TLK2: variants seen among roughly 807,000 people sequenced by gnomAD.
TLK2 encodes tousled like kinase 2.
TLK2 carries 6 observed loss-of-function variants against 117.3 expected under a neutral mutation model. That is an observed-to-expected ratio of 0.05 (90% CI 0.03 to 0.10). The LOEUF (loss-of-function observed/expected upper bound fraction) is 0.10. Ranked by LOEUF, TLK2 falls within the 10% of genes least tolerant of loss-of-function variation. The probability of loss-of-function intolerance (pLI) is 1.00; values close to 1 mark genes in which losing one functional copy is unlikely to be tolerated. For synonymous variants in TLK2, 257 were observed against 316.7 expected, an observed-to-expected ratio of 0.81 and a Z score of 2.00; for missense variants, 299 against 901.2, an observed-to-expected ratio of 0.33 and a Z score of 8.56.
chr17:62,606,595 A>G (rs903842520), intron 20 of TLK2, among the ~76,000 whole-genome samples: 1 of 152,194 alleles, frequency 6.6e-6, no homozygotes, highest in Non-Finnish European at 1.5e-5. Flanking sequence ...GGGCCCCAAG[A>G]ACCAAAACTC....
At chr17:62,516,357 G>T in intron 2 of TLK2, 2 of 1,515,072 alleles carry the variant, frequency 1.3e-6, no homozygotes, top group African/African-American at 1.4e-5. Flanking sequence ...AACCAAATCC[G>T]CCTCTAAACT....
intron 20 of TLK2, among the ~76,000 whole-genome samples, chr17:62,607,254 T>G (rs554813915): frequency 9.0e-4 from 135 of 150,702 alleles, no homozygotes; most frequent in African/African-American, 2.6e-3. Context: ...GCGTGGTGGC[T>G]CACACCTGTA....
chr17:62,476,972 C>T (rs2071066765), upstream of TLK2, among the ~76,000 whole-genome samples: 2 of 152,048 alleles, frequency 1.3e-5, no homozygotes, highest in African/African-American at 4.8e-5. Flanking sequence ...TGCCTGTAAT[C>T]CCGGCTACTC....
chr17:62,475,004 C>T (rs992019580), upstream of TLK2, among the ~76,000 whole-genome samples: 1 of 152,112 alleles, frequency 6.6e-6, no homozygotes, highest in Non-Finnish European at 1.5e-5. Context: ...AGAGATTGTG[C>T]CATTGCACTC....
At chr17:62,530,397 G>A (rs911146371) in intron 6 of TLK2, among the ~76,000 whole-genome samples, 1 of 152,178 alleles carries the variant, frequency 6.6e-6, no homozygotes, top group Non-Finnish European at 1.5e-5. Context: ...AGCCTAGGAG[G>A]TTGAGGCTGG....
chr17:62,475,906 C>T (rs561842419), upstream of TLK2, among the ~76,000 whole-genome samples: 145 of 152,142 alleles, frequency 9.5e-4, no homozygotes, highest in African/African-American at 3.1e-3. Context: ...CATGATCCAC[C>T]GCCTCGGCCT....
chr17:62,477,202 G>A (rs537336976), upstream of TLK2, among the ~76,000 whole-genome samples: 1 of 152,254 alleles, frequency 6.6e-6, no homozygotes, highest in East Asian at 1.9e-4. Context: ...GCCTTGGACC[G>A]GCTCTTAGGT....
intron 2 of TLK2, among the ~76,000 whole-genome samples, chr17:62,489,584 C>A (rs910145514): frequency 6.6e-6 from 1 of 151,996 alleles, no homozygotes; most frequent in Non-Finnish European, 1.5e-5. Context: ...ACTTCCTCAC[C>A]CTATTTTCTC....
At chr17:62,595,467 C>T (rs1598836960) in intron 16 of TLK2, among the ~76,000 whole-genome samples, 1 of 151,996 alleles carries the variant, frequency 6.6e-6, no homozygotes, top group African/African-American at 2.4e-5. Context: ...GGTTTGTTTA[C>T]ACCAGCATCA....
intron 20 of TLK2, 51 bp downstream of exon 20, chr17:62,606,292 C>T: frequency 8.8e-7 from 1 of 1,133,872 alleles, no homozygotes; most frequent in Non-Finnish European, 1.3e-6. Flanking sequence ...GGGTGGCACA[C>T]ACACACACAG....
At chr17:62,609,326 C>G (rs1045890989) in intron 21 of TLK2, among the ~76,000 whole-genome samples, 1 of 152,246 alleles carries the variant, frequency 6.6e-6, no homozygotes, top group Non-Finnish European at 1.5e-5. Context: ...TCAAGCCATC[C>G]GCCTGCCTCA....
chr17:62,585,642 A>G (rs2081558382), intron 15 of TLK2: 1 of 152,498 alleles, frequency 6.6e-6, no homozygotes, highest in Admixed American at 6.5e-5. Flanking sequence ...TTTAATAAAC[A>G]ATATGCCAAA....
chr17:62,494,947 C>T (rs900465668), intron 2 of TLK2, among the ~76,000 whole-genome samples: 6 of 152,126 alleles, frequency 3.9e-5, no homozygotes, highest in Non-Finnish European at 1.5e-5. Flanking sequence ...AGGTGAATCA[C>T]TGGAGGTGAG....
chr17:62,588,292 G>A (rs1480697948), intron 16 of TLK2, among the ~76,000 whole-genome samples: 1 of 152,148 alleles, frequency 6.6e-6, no homozygotes, highest in Non-Finnish European at 1.5e-5. Context: ...CTGCAGGTGG[G>A]CGTTCTGCCC....
At chr17:62,495,527 A>C (rs1283784269) in intron 2 of TLK2, among the ~76,000 whole-genome samples, 1 of 149,320 alleles carries the variant, frequency 6.7e-6, no homozygotes, top group Admixed American at 6.7e-5. Flanking sequence ...TGATCCTCCC[A>C]CCTCAGCTTC....
chr17:62,551,213 A>G (rs567063475), intron 7 of TLK2, among the ~76,000 whole-genome samples: 3 of 152,358 alleles, frequency 2.0e-5, no homozygotes, highest in South Asian at 4.1e-4. Flanking sequence ...ACCATTGTTA[A>G]TATGTTAATG....
rs755985331 is a variant in TLK2 at position 62,553,683 on chromosome 17, A to C, written c.648A>C (p.Lys216Asn). The change falls in exon 9 of 22, where the codon AAA becomes AAC. Residue 216 changes from lysine (K) to asparagine (N), a missense_variant. Around this residue, in one of 4 missense-constraint regions of TLK2, gnomAD observed 94 missense variants for 282.6 expected, o/e 0.33. Coordinates refer to ENST00000346027, the MANE Select transcript of TLK2 (RefSeq NM_006852.6). ...TGTAGTCCGACCTCACAATAGAAAA[A>C]ATATCTGCACTAGAAAACAGTAAGA... The part of the protein sequence containing the change: ...RQTQSDLTIE[K>N]ISALENSKNS... The C allele has an allele frequency of 3.7e-6, 6 of 1,611,964 alleles. No homozygotes were observed. In the African/African-American group the frequency reaches 6.7e-5, roughly 18 times the overall value.
chr17:62,533,479 ATT>A (rs1257061379), intron 6 of TLK2, among the ~76,000 whole-genome samples: 3 of 114,982 alleles, frequency 2.6e-5, no homozygotes, highest in Non-Finnish European at 3.7e-5. Flanking sequence ...TGTGTGTGTA[ATT>A]TTTTTTTTTT....
intron 15 of TLK2, among the ~76,000 whole-genome samples, chr17:62,584,513 A>C (rs1383324151): frequency 6.6e-6 from 1 of 152,206 alleles, no homozygotes; most frequent in Non-Finnish European, 1.5e-5. Flanking sequence ...TAAGAAAAGA[A>C]GTTCAAAAGT....
Sources: gnomAD v4.1 joint callset for allele counts (sites outside exome capture counted in the v4.1 genomes callset) on GRCh38, gnomAD v4.1.1 for gene constraint, gnomAD v4.1.1 regional missense constraint, MANE v1.5 for transcripts, NCBI Gene and HGNC (gene_info 2026-07-23, HGNC 2026-07-21) for gene names.